The following VRK2 variants were observed in gnomAD, a reference collection of about 807,000 sequenced individuals.
VRK2 encodes the protein serine/threonine-protein kinase VRK2.
VRK2 carries 60 observed loss-of-function variants against 57.6 expected under a neutral mutation model. That is an observed-to-expected ratio of 1.04 (90% confidence interval 0.85 to 1.29). The LOEUF (loss-of-function observed/expected upper bound fraction) is 1.29, where lower values mean the gene tolerates loss of function less well. Among genes scored for constraint, VRK2 ranks in the 50% most tolerant of loss-of-function variants. VRK2 has a pLI of 0.00. For synonymous variants in VRK2, 231 were observed against 199.2 expected, an observed-to-expected ratio of 1.16 and a Z score of -1.35; for missense variants, 705 against 588.1, an observed-to-expected ratio of 1.20 and a Z score of -2.06.
At chr2:57,931,410 G>A (rs978891668) in intron 1 of VRK2, among the ~76,000 whole-genome samples, 1 of 151,928 alleles carries the variant, frequency 6.6e-6, no homozygotes, top group African/African-American at 2.4e-5. Context: ...TTGGCTATTT[G>A]TATTCTTCTT....
At chr2:58,111,477 G>C (rs942832814) in intron 7 of VRK2, among the ~76,000 whole-genome samples, 3 of 152,130 alleles carry the variant, frequency 2.0e-5, no homozygotes, top group Non-Finnish European at 4.4e-5. Flanking sequence ...AGGAGTCTGG[G>C]CGTGGCAGCT....
At chr2:58,006,011 C>T (rs1427080204) in intron 1 of VRK2, among the ~76,000 whole-genome samples, 1 of 152,154 alleles carries the variant, frequency 6.6e-6, no homozygotes, top group Admixed American at 6.5e-5. Context: ...CCCACCCCAC[C>T]ACCTCTCTTT....
chr2:58,043,109 T>A (rs998857155), upstream of VRK2, among the ~76,000 whole-genome samples: 4 of 152,204 alleles, frequency 2.6e-5, no homozygotes, highest in South Asian at 2.1e-4. Context: ...TTGGCACTTA[T>A]GAAACTTGAA....
At chr2:58,053,349 T>C (rs1181101401) in intron 2 of VRK2, among the ~76,000 whole-genome samples, 1 of 152,252 alleles carries the variant, frequency 6.6e-6, no homozygotes, top group Non-Finnish European at 1.5e-5. Context: ...GAAAATCAGA[T>C]CATTTATCCA....
intron 1 of VRK2, among the ~76,000 whole-genome samples, chr2:57,956,801 C>T (rs193084372): frequency 6.6e-6 from 1 of 152,206 alleles, no homozygotes; most frequent in African/African-American, 2.4e-5. Flanking sequence ...GAAGAGTCTC[C>T]AGGTTTCACT....
At chr2:57,980,132 T>C (rs528890007) in intron 1 of VRK2, among the ~76,000 whole-genome samples, 14 of 152,288 alleles carry the variant, frequency 9.2e-5, no homozygotes, top group Admixed American at 5.2e-4. Context: ...TGTTAGATCA[T>C]TAATTTGAGA....
intron 3 of VRK2, among the ~76,000 whole-genome samples, chr2:58,036,143 T>C (rs1674266563): frequency 1.3e-5 from 2 of 151,994 alleles, no homozygotes; most frequent in African/African-American, 2.4e-5. Context: ...TAATTGCTTA[T>C]TGAAGTGGTC....
intron 1 of VRK2, among the ~76,000 whole-genome samples, chr2:57,944,205 T>C (rs928886577): frequency 2.6e-5 from 4 of 152,358 alleles, no homozygotes; most frequent in Admixed American, 2.6e-4. Context: ...CGTGTACAGC[T>C]ACAGCCATGT....
At position 58,123,080 on chromosome 2, in the gene VRK2, TTGTC is replaced by T. The variant is rs1377667187; in HGVS notation, c.544-17_544-14del. 6.3e-7 allele frequency: 1 copy of T among 1,588,094 alleles called. No individual in the cohort carries two copies. The highest frequency in any genetic ancestry group is 8.5e-7 in the Non-Finnish European group (1 of 1,172,652). ...TTCAGAGGACAAAGGCATTATTCATTTGTCTGTGCTTGTCTTCCAGGTTTATCTT... is the reference window on the plus strand; with the variant it reads ...TTCAGAGGACAAAGGCATTATTCATTTGTGCTTGTCTTCCAGGTTTATCTT... On this transcript the variant is annotated splice_polypyrimidine_tract_variant and intron_variant, in intron 7 of 12. Transcript: ENST00000340157.
chr2:58,071,856 A>G (rs6718190), intron 2 of VRK2, among the ~76,000 whole-genome samples: 9,771 of 152,068 alleles, frequency 0.064, 1,055 homozygotes, highest in African/African-American at 0.22. Flanking sequence ...TTGACTTTAT[A>G]TATCAAGTTG....
chr2:58,077,709 AT>A (rs1281969708), intron 2 of VRK2, among the ~76,000 whole-genome samples: 1 of 152,040 alleles, frequency 6.6e-6, no homozygotes, highest in Non-Finnish European at 1.5e-5. Context: ...TCTTGAACTT[AT>A]CCTAGTGATT....
rs144742857 is a variant in VRK2, at chr2:58,057,410, A to G, written c.136+8443A>G. 3.3e-5 allele frequency among the ~76,000 whole-genome samples: 5 copies of G among 152,242 alleles called. No homozygotes were observed. In the East Asian group the frequency reaches 9.7e-4, roughly 29 times the overall value. On this transcript the variant is annotated intron_variant, in intron 2 of 12. Transcript: ENST00000340157. ...AAGAAGCTGTGTACTTAATCCATAGATTGTAGAATTTATTGTGAAGAGTCT... is the reference window on the plus strand; with the variant it reads ...AAGAAGCTGTGTACTTAATCCATAGGTTGTAGAATTTATTGTGAAGAGTCT...
At chr2:57,976,899 T>C (rs890095617) in intron 1 of VRK2, among the ~76,000 whole-genome samples, 5 of 152,106 alleles carry the variant, frequency 3.3e-5, no homozygotes, top group African/African-American at 9.7e-5. Flanking sequence ...TTTTTGTATA[T>C]GGTGAAAGAA....
chr2:58,142,242 C>T (rs750797480), intron 11 of VRK2, among the ~76,000 whole-genome samples: 1 of 151,556 alleles, frequency 6.6e-6, no homozygotes, highest in Non-Finnish European at 1.5e-5. Context: ...TTAAGAAAAA[C>T]ATATTTTGAT....
intron 7 of VRK2, 30 bp downstream of exon 7, chr2:58,089,753 G>A (rs1213290110): frequency 6.8e-7 from 1 of 1,471,608 alleles, no homozygotes; most frequent in Non-Finnish European, 9.4e-7. Context: ...TTTAATAAAG[G>A]TCTTTAATGT....
chr2:58,096,900 A>G (rs1385665070), intron 7 of VRK2, among the ~76,000 whole-genome samples: 1 of 151,696 alleles, frequency 6.6e-6, no homozygotes, highest in Non-Finnish European at 1.5e-5. Flanking sequence ...TATTCTTTGG[A>G]AAGTTTGTAT....
chr2:58,016,894 T>G (rs979690227), intron 1 of VRK2, among the ~76,000 whole-genome samples: 1 of 152,202 alleles, frequency 6.6e-6, no homozygotes, highest in African/African-American at 2.4e-5. Context: ...TACTTTCATT[T>G]GACTGGCGAA....
intron 12 of VRK2, among the ~76,000 whole-genome samples, chr2:58,146,864 A>T (rs754755854): frequency 6.6e-6 from 1 of 151,910 alleles, no homozygotes; most frequent in Non-Finnish European, 1.5e-5. Context: ...TTTTAAAATG[A>T]TGTATTTTTT....
chr2:58,114,349 T>C (rs1292842440), intron 7 of VRK2, among the ~76,000 whole-genome samples: 1 of 151,898 alleles, frequency 6.6e-6, no homozygotes, highest in African/African-American at 2.4e-5. Context: ...ACCAGCAGTG[T>C]AAACAAGAGC....
Sources: gnomAD v4.1 joint callset for allele counts (sites outside exome capture counted in the v4.1 genomes callset) on GRCh38, gnomAD v4.1.1 for gene constraint, MANE v1.5 for transcripts, NCBI Gene and HGNC (gene_info 2026-07-23, HGNC 2026-07-21) for gene names.